The following ADARB2 variants were observed in gnomAD, a reference collection of about 807,000 sequenced individuals.
The protein encoded by ADARB2 is inactive double-stranded RNA-specific editase B2.
ADARB2 carries 25 observed loss-of-function variants against 62.2 expected under a neutral mutation model. The observed-to-expected ratio is 0.40, with a 90% CI of 0.29 to 0.56. The LOEUF (loss-of-function observed/expected upper bound fraction) is 0.56. Ranked by LOEUF, ADARB2 falls within the 20% of genes least tolerant of loss-of-function variation. The pLI, the probability that ADARB2 is intolerant of heterozygous loss-of-function variation, is 0.43. For synonymous variants in ADARB2, 572 were observed against 500.8 expected (o/e 1.14, Z -1.90); for missense variants, 1,071 against 1,077.4 (o/e 0.99, Z 0.08).
At position 1,183,009 on chromosome 10, in the gene ADARB2, C is replaced by A; in HGVS notation, c.*184G>T. 1 of 680,888 alleles carries A rather than the reference C, an allele frequency of 1.5e-6. No homozygotes were observed. The highest frequency in any genetic ancestry group is 2.4e-6 in the Non-Finnish European group (1 of 413,402). The allele number at this position is 680,888 out of a possible 1,614,324, so 42.2% of individuals were successfully genotyped here. A position where few individuals can be genotyped will look rare whatever the true frequency, so the allele number is the denominator to read the frequency against. ...GTGGGGGACAGGGTTCTGGGGCCAG[C>A]GATCTGGAAAGAGGCACGTTCTGAA... On this transcript the variant is annotated 3_prime_UTR_variant, in exon 10 of 10. Coordinates refer to ENST00000381312, the MANE Select transcript of ADARB2 (RefSeq NM_018702.4).
Position 1,577,951 on chromosome 10 carries a change from C to T in ADARB2, c.100+159100G>A, listed in dbSNP as rs1453932191. 2.0e-5 allele frequency among the ~76,000 whole-genome samples: 3 copies of T among 152,232 alleles called. No individual in the cohort carries two copies. The East Asian group carries it at 5.8e-4, about 29-fold the overall frequency. Reference sequence around the variant, plus strand: ...ACCCTGTGAGGACACAGGGAGAAGACAGTGGCTGCAAGCCATGAAGAGAAG... The same window carrying T: ...ACCCTGTGAGGACACAGGGAGAAGATAGTGGCTGCAAGCCATGAAGAGAAG... On this transcript the variant is annotated intron_variant, in intron 1 of 9. Coordinates refer to ENST00000381312, the MANE Select transcript of ADARB2 (RefSeq NM_018702.4).
chr10:1,475,027 C>A (rs1831380482), intron 1 of ADARB2, among the ~76,000 whole-genome samples: 2 of 152,092 alleles, frequency 1.3e-5, no homozygotes, highest in African/African-American at 4.8e-5. Context: ...GTGCCACGCC[C>A]ACGGGGACCC....
chr10:1,706,731 G>A (rs1241362954), intron 1 of ADARB2, among the ~76,000 whole-genome samples: 1 of 152,194 alleles, frequency 6.6e-6, no homozygotes, highest in Admixed American at 6.5e-5. Flanking sequence ...GCCTGTGTGT[G>A]AAGTCAAAAA....
chr10:1,681,202 T>A (rs900936187), intron 1 of ADARB2, among the ~76,000 whole-genome samples: 6 of 152,240 alleles, frequency 3.9e-5, no homozygotes, highest in Admixed American at 3.3e-4. Context: ...TTTTAGCTGA[T>A]TTATTTTGCT....
chr10:1,657,201 A>G (rs895925697), intron 1 of ADARB2, among the ~76,000 whole-genome samples: 2 of 152,108 alleles, frequency 1.3e-5, no homozygotes, highest in East Asian at 3.8e-4. Context: ...TCTGATCTAG[A>G]TTTTCAAAAA....
At chr10:1,345,152 C>T (rs563590444) in intron 3 of ADARB2, among the ~76,000 whole-genome samples, 4 of 152,168 alleles carry the variant, frequency 2.6e-5, no homozygotes, top group East Asian at 1.9e-4. Flanking sequence ...GGTGAGGATG[C>T]TTCACTCTTA....
chr10:1,546,634 C>T (rs761558432), intron 1 of ADARB2, among the ~76,000 whole-genome samples: 13 of 152,254 alleles, frequency 8.5e-5, no homozygotes, highest in Non-Finnish European at 1.6e-4. Flanking sequence ...CCAGGCATCT[C>T]TTGCCCCTTA....
At chr10:1,619,468 G>GT (rs1399834689) in intron 1 of ADARB2, among the ~76,000 whole-genome samples, 1 of 152,076 alleles carries the variant, frequency 6.6e-6, no homozygotes, top group Admixed American at 6.6e-5. Flanking sequence ...ATGTATTTTT[G>GT]TTTTTTCAGA....
intron 1 of ADARB2, among the ~76,000 whole-genome samples, chr10:1,515,176 C>A (rs1254379972): frequency 6.6e-6 from 1 of 152,184 alleles, no homozygotes; most frequent in Admixed American, 6.5e-5. Context: ...TATGGAATAG[C>A]CAGGAAGCAG....
chr10:1,581,826 ATGTGTGTGTGTGTGTGTGTG>A (rs56180704), intron 1 of ADARB2, among the ~76,000 whole-genome samples: 12 of 148,498 alleles, frequency 8.1e-5, no homozygotes, highest in Non-Finnish European at 1.6e-4. Context: ...TTAGAAATAG[ATGTGTGTGTGTGTGTGTGTG>A]TGTGTGTGTG....
At chr10:1,225,927 T>C (rs1305677709) in intron 6 of ADARB2, among the ~76,000 whole-genome samples, 1 of 152,064 alleles carries the variant, frequency 6.6e-6, no homozygotes, top group Non-Finnish European at 1.5e-5. Context: ...TGTGGCGTTC[T>C]CTGTATTTCC....
chr10:1,274,764 G>T (rs897166084), intron 3 of ADARB2, among the ~76,000 whole-genome samples: 3 of 152,216 alleles, frequency 2.0e-5, no homozygotes, highest in South Asian at 4.1e-4. Flanking sequence ...TTGAAGCAAC[G>T]CAACCAGTCA....
Position 1,721,233 on chromosome 10 carries a change from A to T in ADARB2, c.100+15818T>A, listed in dbSNP as rs144847490. 1.5e-3 allele frequency among the ~76,000 whole-genome samples: 224 copies of T among 152,334 alleles called. 2 individuals are homozygous for T. Among genetic ancestry groups the T allele is most frequent in the South Asian group, 2.9e-3 (14 of 4,830 alleles). ...CAAAATTATGTAAATAATTCAAGTCACTTTTTAAAAATAAAGCTATAAAGA... is the reference window on the plus strand; with the variant it reads ...CAAAATTATGTAAATAATTCAAGTCTCTTTTTAAAAATAAAGCTATAAAGA... On this transcript the variant is annotated intron_variant, in intron 1 of 9. Coordinates refer to ENST00000381312, the MANE Select transcript of ADARB2 (RefSeq NM_018702.4).
intron 1 of ADARB2, among the ~76,000 whole-genome samples, chr10:1,510,112 C>CTTTCTTTCTTTCTTTCTTTCTT (rs1831910188): frequency 2.8e-5 from 2 of 72,700 alleles, no homozygotes; most frequent in South Asian, 9.4e-4. Flanking sequence ...TTCTTTCTCT[C>CTTTCTTTCTTTCTTTCTTTCTT]TTTCTTTCTT....
chr10:1,705,383 G>A (rs999389753), intron 1 of ADARB2, among the ~76,000 whole-genome samples: 7 of 152,176 alleles, frequency 4.6e-5, no homozygotes, highest in Admixed American at 1.3e-4. Context: ...GGCACCAGGG[G>A]TCCTGGGGGA....
At chr10:1,387,678 G>T (rs1459522693) in intron 1 of ADARB2, among the ~76,000 whole-genome samples, 1 of 151,938 alleles carries the variant, frequency 6.6e-6, no homozygotes, top group African/African-American at 2.4e-5. Context: ...AATATTTAAA[G>T]AAGAAATTAT....
At chr10:1,542,977 G>C (rs552685801) in intron 1 of ADARB2, among the ~76,000 whole-genome samples, 68 of 152,384 alleles carry the variant, frequency 4.5e-4, no homozygotes, top group African/African-American at 1.6e-3. Context: ...GATCACAGCT[G>C]TCCGTCCGCC....
chr10:1,268,636 C>A (rs1831229982), intron 4 of ADARB2, among the ~76,000 whole-genome samples: 1 of 152,184 alleles, frequency 6.6e-6, no homozygotes, highest in South Asian at 2.1e-4. Context: ...AATGGCACAT[C>A]AACTTTAAGT....
intron 1 of ADARB2, among the ~76,000 whole-genome samples, chr10:1,651,825 C>A (rs960143209): frequency 7.2e-5 from 7 of 96,758 alleles, no homozygotes; most frequent in Non-Finnish European, 1.1e-4. Flanking sequence ...AGGCCCAGGG[C>A]CCCTCAGGGC....
Sources: gnomAD v4.1 joint callset for allele counts (sites outside exome capture counted in the v4.1 genomes callset) on GRCh38, gnomAD v4.1.1 for gene constraint, MANE v1.5 for transcripts, NCBI Gene and HGNC (gene_info 2026-07-23, HGNC 2026-07-21) for gene names.